Variants in GPR149 observed in about 807,000 individuals in gnomAD.
The protein encoded by GPR149 is probable G protein-coupled receptor 149.
Under a neutral mutation model 50.2 loss-of-function variants are expected in GPR149, and 50 were observed. The ratio of observed to expected loss-of-function variants is 1.00; its 90% CI spans 0.79 to 1.26. The LOEUF is 1.26. Ranked by LOEUF, GPR149 falls within the 50% of genes most tolerant of loss-of-function variation. The pLI is 0.00. For synonymous variants in GPR149, 405 were observed against 358.2 expected (o/e 1.13, Z -1.48); for missense variants, 983 against 895.4 (o/e 1.10, Z -1.25).
rs568112716 is a variant in GPR149, at chr3:154,366,750, C to G, written c.1624-28479G>C. ...GATGTCCTGTCTTTCTGGGCCAAAT[C>G]AAGGTATACCTTACATGTATTGATT... is the stretch of plus-strand genomic sequence containing the variant. On this transcript the variant is annotated intron_variant, in intron 3 of 3. Transcript: ENST00000389740. 3.9e-5 allele frequency among the ~76,000 whole-genome samples: 6 copies of G among 152,300 alleles called. No homozygotes were observed. The South Asian group carries it at 1.2e-3, about 32-fold the overall frequency.
intron 3 of GPR149, among the ~76,000 whole-genome samples, chr3:154,397,805 C>T (rs1715327542): frequency 6.6e-6 from 1 of 152,102 alleles, no homozygotes. Flanking sequence ...TAAAAAATTA[C>T]TCATTGACAA....
chr3:154,390,214 T>C (rs1715139089), intron 3 of GPR149, among the ~76,000 whole-genome samples: 1 of 152,052 alleles, frequency 6.6e-6, no homozygotes, highest in Admixed American at 6.6e-5. Context: ...GGAAAATATG[T>C]TCCAAACAAA....
Position 154,421,118 on chromosome 3 carries a change from A to G in GPR149, c.1544T>C (p.Leu515Pro), listed in dbSNP as rs1489598989. The change falls in exon 3 of 4, where the codon CTG (leucine) becomes CCG (proline). Residue 515 changes from leucine to proline, a missense_variant. Transcript: ENST00000389740. Reference sequence around the variant, plus strand: ...TGGTTTCTGACTCTCTTCATGAGACAGTCTTCTTTCTGGCCCTTCAGAAAA... The same window carrying G: ...TGGTTTCTGACTCTCTTCATGAGACGGTCTTCTTTCTGGCCCTTCAGAAAA... ...TTFSEGPERR[L>P]SHEESQKPDL... 6.2e-7 allele frequency: 1 copy of G among 1,613,360 alleles called. No homozygotes were observed. Among genetic ancestry groups the G allele is most frequent in the Admixed American group, 1.7e-5 (1 of 59,842 alleles).
At position 154,429,714 on chromosome 3, in the gene GPR149, A is replaced by C. The variant is rs1712432988; in HGVS notation, c.-99T>G. 2 of 1,077,512 alleles carry C rather than the reference A, an allele frequency of 1.9e-6. No individual in the cohort carries two copies. Among genetic ancestry groups the C allele is most frequent in the African/African-American group, 3.2e-5 (2 of 63,430 alleles). The allele number at this position is 1,077,512 out of a possible 1,614,324, so 66.7% of individuals were successfully genotyped here. On this transcript the variant is annotated 5_prime_UTR_variant, in exon 1 of 4. Transcript: ENST00000389740. ...AAATCAGATTTCATTCCTCCTACCA[A>C]GTTCCCCTCTAGATGTTCTCCTTGT...
chr3:154,425,444 G>A (rs904895825), intron 2 of GPR149, among the ~76,000 whole-genome samples: 1 of 152,016 alleles, frequency 6.6e-6, no homozygotes, highest in Non-Finnish European at 1.5e-5. Flanking sequence ...TACCTTTGGG[G>A]TTTTAAAATT....
intron 2 of GPR149, among the ~76,000 whole-genome samples, chr3:154,423,312 C>T (rs922343585): frequency 1.3e-5 from 2 of 151,794 alleles, no homozygotes; most frequent in Admixed American, 1.3e-4. Context: ...CGGGGGGTGA[C>T]AGACGAAAGC....
In GPR149 at chr3:154,429,677, A is replaced by T; in HGVS notation, c.-62T>A. The T allele has an allele frequency of 7.0e-7, 1 of 1,420,106 alleles. No individual in the cohort carries two copies. Among genetic ancestry groups the T allele is most frequent in the South Asian group, 1.3e-5 (1 of 75,646 alleles). The allele number at this position is 1,420,106 out of a possible 1,614,324, so 88.0% of individuals were successfully genotyped here. A position where few individuals can be genotyped will look rare whatever the true frequency, so the allele number is the denominator to read the frequency against. ...GTCTGATAATTTTCTCAAAAGAAAG[A>T]CCGGCTGCTGCAAATCAGATTTCAT... On this transcript the variant is annotated 5_prime_UTR_variant, in exon 1 of 4. Coordinates refer to ENST00000389740, the MANE Select transcript of GPR149 (RefSeq NM_001038705.3).
intron 3 of GPR149, among the ~76,000 whole-genome samples, chr3:154,341,482 C>T (rs1713799473): frequency 6.6e-6 from 1 of 150,428 alleles, no homozygotes; most frequent in Non-Finnish European, 1.5e-5. Flanking sequence ...AAATCAATAG[C>T]TATTGCCAAT....
intron 1 of GPR149, 127 bp from the exon 2 acceptor site, chr3:154,427,835 G>T: frequency 2.3e-6 from 2 of 880,914 alleles, no homozygotes; most frequent in African/African-American, 1.7e-5. Flanking sequence ...GGGGACCTCT[G>T]CTACGGAGCT....
chr3:154,423,049 A>G (rs989406074), intron 2 of GPR149, among the ~76,000 whole-genome samples: 16 of 151,932 alleles, frequency 1.1e-4, no homozygotes, highest in African/African-American at 3.9e-4. Context: ...GCACATTGTA[A>G]TCTCAAATAT....
chr3:154,416,051 T>TAACAGAAAACAG (rs1265982763), intron 3 of GPR149, among the ~76,000 whole-genome samples: 8 of 151,916 alleles, frequency 5.3e-5, no homozygotes, highest in Non-Finnish European at 1.0e-4. Context: ...TTTAAGCTAA[T>TAACAGAAAACAG]AATATAACAG....
At chr3:154,378,164 C>A (rs1432453529) in intron 3 of GPR149, among the ~76,000 whole-genome samples, 1 of 145,544 alleles carries the variant, frequency 6.9e-6, no homozygotes, top group Non-Finnish European at 1.5e-5. Context: ...CTCACTGCAA[C>A]CTCTGCTTCC....
At chr3:154,421,907 G>A (rs1003061561) in intron 2 of GPR149, among the ~76,000 whole-genome samples, 1 of 151,502 alleles carries the variant, frequency 6.6e-6, no homozygotes. Context: ...TTATTAAGTA[G>A]CCTTAATATT....
At position 154,429,335 on chromosome 3, in the gene GPR149, G is replaced by A; in HGVS notation, c.281C>T (p.Pro94Leu). 4.3e-6 allele frequency: 7 copies of A among 1,614,172 alleles called. No homozygotes were observed. The highest frequency in any genetic ancestry group is 5.1e-6 in the Non-Finnish European group (6 of 1,180,034). The change falls in exon 1 of 4, where the codon CCA becomes CTA. Residue 94 changes from proline (P) to leucine (L), a missense_variant. Pro to Leu is a moderately conservative substitution (Grantham distance 98). Coordinates refer to ENST00000389740, the MANE Select transcript of GPR149 (RefSeq NM_001038705.3). ...SVTIFMFLQW[P>L]NEVPGYFQFL... is the part of the protein sequence containing the mutation. ...TTGGAAGTAACCGGGGACCTCGTTT[G>A]GCCACTGCAAAAACATGAAGATGGT...
At chr3:154,354,741 G>A (rs557649855) in intron 3 of GPR149, 14 of 688,204 alleles carry the variant, frequency 2.0e-5, no homozygotes, top group South Asian at 1.4e-4. Context: ...TCTGGCTCTC[G>A]GACTCCTCCA....
intron 3 of GPR149, among the ~76,000 whole-genome samples, chr3:154,341,334 T>TAA (rs1713795552): frequency 9.9e-6 from 1 of 101,444 alleles, no homozygotes; most frequent in African/African-American, 3.5e-5. Flanking sequence ...TATATATATA[T>TAA]ATATATAAAA....
In GPR149 at chr3:154,426,020, T is replaced by C. The variant is rs75403943; in HGVS notation, c.1174+1496A>G. 2.1e-3 allele frequency among the ~76,000 whole-genome samples: 317 copies of C among 152,274 alleles called. 5 individuals are homozygous for C. In the East Asian group the frequency reaches 0.058, roughly 28 times the overall value. ...ATGTTGTAAGACCGGGCTCGTTCAC[T>C]AGTTTAGTGGCAAAATGCTAAGATT... On this transcript the variant is annotated intron_variant, in intron 2 of 3. Coordinates refer to ENST00000389740, the MANE Select transcript of GPR149 (RefSeq NM_001038705.3).
chr3:154,401,233 T>C (rs76934755), intron 3 of GPR149, among the ~76,000 whole-genome samples: 14 of 152,362 alleles, frequency 9.2e-5, no homozygotes, highest in Non-Finnish European at 1.8e-4. Flanking sequence ...GACACTTTTC[T>C]GGCTTTGCAG....
At chr3:154,368,026 C>G (rs1714582274) in intron 3 of GPR149, among the ~76,000 whole-genome samples, 1 of 152,204 alleles carries the variant, frequency 6.6e-6, no homozygotes. Flanking sequence ...CCCGACCCTC[C>G]AGGGCTGGGA....
Sources: gnomAD v4.1 joint callset for allele counts (sites outside exome capture counted in the v4.1 genomes callset) on GRCh38, gnomAD v4.1.1 for gene constraint, MANE v1.5 for transcripts, NCBI Gene and HGNC (gene_info 2026-07-23, HGNC 2026-07-21) for gene names.